TMEM132B: variants seen among roughly 807,000 people sequenced by gnomAD.
TMEM132B encodes the protein transmembrane protein 132B.
A neutral mutation model predicts 90.8 loss-of-function variants in TMEM132B; 18 were observed. The observed-to-expected ratio is 0.20, with a 90% CI of 0.14 to 0.29. TMEM132B has a LOEUF of 0.29. Ranked by LOEUF, TMEM132B falls within the 10% of genes least tolerant of loss-of-function variation. The pLI is 1.00. For synonymous variants in TMEM132B, 504 were observed against 523.3 expected, an observed-to-expected ratio of 0.96 and a Z score of 0.50; for missense variants, 1,096 against 1,326.8, an observed-to-expected ratio of 0.83 and a Z score of 2.70.
At chr12:125,451,748 T>C (rs551660266) in intron 3 of TMEM132B, among the ~76,000 whole-genome samples, 2 of 152,202 alleles carry the variant, frequency 1.3e-5, no homozygotes, top group Admixed American at 1.3e-4. Flanking sequence ...AATAATTAAT[T>C]TGAGTCCTTA....
At chr12:125,368,111 C>T (rs532991524) in intron 2 of TMEM132B, among the ~76,000 whole-genome samples, 13 of 152,064 alleles carry the variant, frequency 8.5e-5, no homozygotes, top group Admixed American at 2.0e-4. Context: ...GTTACTTTAC[C>T]ACAGTATAGT....
chr12:125,595,409 G>A (rs1885416910), intron 5 of TMEM132B, among the ~76,000 whole-genome samples: 1 of 152,130 alleles, frequency 6.6e-6, no homozygotes, highest in Admixed American at 6.5e-5. Context: ...CACTTTCCGG[G>A]GGATTTGGGG....
At chr12:125,551,337 C>T (rs1884223914) in intron 4 of TMEM132B, among the ~76,000 whole-genome samples, 1 of 152,200 alleles carries the variant, frequency 6.6e-6, no homozygotes, top group Non-Finnish European at 1.5e-5. Flanking sequence ...GGGCTTTTGA[C>T]CCCAGATCCT....
chr12:125,256,770 C>T (rs1030574804), intron 1 of TMEM132B, among the ~76,000 whole-genome samples: 1 of 152,214 alleles, frequency 6.6e-6, no homozygotes, highest in Non-Finnish European at 1.5e-5. Context: ...AAAAGTGAGA[C>T]GATGAGGCAA....
chr12:125,304,638 C>T (rs1284988490), intron 1 of TMEM132B, among the ~76,000 whole-genome samples: 2 of 152,030 alleles, frequency 1.3e-5, no homozygotes, highest in Admixed American at 1.3e-4. Flanking sequence ...TGTGGATATC[C>T]AGTTTTCCAA....
At chr12:125,304,715 C>T (rs994757880) in intron 1 of TMEM132B, among the ~76,000 whole-genome samples, 2 of 152,020 alleles carry the variant, frequency 1.3e-5, no homozygotes, top group Non-Finnish European at 2.9e-5. Context: ...CCTGTAGTCC[C>T]AACTACTTGG....
rs529414697 is a variant in TMEM132B at position 125,659,353 on chromosome 12, G to C, written c.*4643G>C. On this transcript the variant is annotated 3_prime_UTR_variant, in exon 9 of 9. Transcript: ENST00000682704. ...AGTGCTGAAATGCATGATGCTGCGG[G>C]TGTTTGAGAGCCTTTGACCTCTGTC... 1.3e-5 allele frequency: 2 copies of C among 152,360 alleles called. No homozygotes were observed. The highest frequency in any genetic ancestry group is 4.1e-4 in the South Asian group (2 of 4,830). 9.4% of individuals were successfully genotyped at this position (152,360 alleles called of 1,614,324 possible). A position where few individuals can be genotyped will look rare whatever the true frequency, so the allele number is the denominator to read the frequency against.
intron 1 of TMEM132B, among the ~76,000 whole-genome samples, chr12:125,199,245 A>T (rs765081854): frequency 1.3e-5 from 2 of 152,166 alleles, no homozygotes; most frequent in African/African-American, 4.8e-5. Flanking sequence ...CCAGTGGTTA[A>T]CCTTACTGAC....
intron 4 of TMEM132B, among the ~76,000 whole-genome samples, chr12:125,550,987 A>G (rs928127542): frequency 6.6e-6 from 1 of 152,096 alleles, no homozygotes; most frequent in Non-Finnish European, 1.5e-5. Flanking sequence ...TACTTTTTGT[A>G]TTTTTAGTAG....
intron 1 of TMEM132B, among the ~76,000 whole-genome samples, chr12:125,297,143 G>C (rs1047820883): frequency 5.7e-5 from 5 of 88,044 alleles, no homozygotes; most frequent in Non-Finnish European, 8.4e-5. Context: ...GGTTTCCTTG[G>C]GGGGGTCCTG....
chr12:125,573,198 G>T (rs1183893445), intron 4 of TMEM132B, among the ~76,000 whole-genome samples: 3 of 152,118 alleles, frequency 2.0e-5, no homozygotes, highest in Non-Finnish European at 4.4e-5. Context: ...AGCCCTCTCA[G>T]TGAACAGAAC....
intron 1 of TMEM132B, among the ~76,000 whole-genome samples, chr12:125,230,298 A>T (rs1301463461): frequency 4.6e-5 from 7 of 151,940 alleles, no homozygotes; most frequent in Middle Eastern, 3.4e-3. Flanking sequence ...CGCTGCGGGG[A>T]GGGGTGTGTT....
chr12:125,539,115 T>C (rs1883889324), intron 4 of TMEM132B, among the ~76,000 whole-genome samples: 1 of 152,174 alleles, frequency 6.6e-6, no homozygotes, highest in Admixed American at 6.5e-5. Flanking sequence ...TTAAACAGAT[T>C]GTATGAGTCC....
At chr12:125,433,717 A>G (rs921907046) in intron 3 of TMEM132B, among the ~76,000 whole-genome samples, 4 of 132,536 alleles carry the variant, frequency 3.0e-5, no homozygotes, top group African/African-American at 5.8e-5. Flanking sequence ...AACCAACCCA[A>G]ATGTCCAACA....
rs572251902 is a variant in TMEM132B at position 125,374,384 on chromosome 12, A to G, written c.959+24041A>G. Among the ~76,000 whole-genome samples the G allele has an allele frequency of 1.6e-3, 242 of 152,254 alleles. 2 individuals carry two copies. Among genetic ancestry groups the G allele is most frequent in the African/African-American group, 5.5e-3 (229 of 41,518 alleles). On this transcript the variant is annotated intron_variant, in intron 2 of 8. Transcript: ENST00000682704. Reference sequence around the variant, plus strand: ...GGAATTCTAAAGTATCTGGATTCTCATGGGAGTCTGTATAGTGCAGACCTC... The same window carrying G: ...GGAATTCTAAAGTATCTGGATTCTCGTGGGAGTCTGTATAGTGCAGACCTC...
intron 4 of TMEM132B, among the ~76,000 whole-genome samples, chr12:125,520,787 A>G (rs1592971646): frequency 6.6e-6 from 1 of 152,190 alleles, no homozygotes; most frequent in Non-Finnish European, 1.5e-5. Flanking sequence ...TATCCTGGTC[A>G]GTTGTGTCCA....
intron 4 of TMEM132B, among the ~76,000 whole-genome samples, chr12:125,554,425 A>ATT (rs1446360970): frequency 5.8e-5 from 7 of 120,276 alleles, no homozygotes; most frequent in African/African-American, 2.5e-4. Flanking sequence ...ACTCCATTTC[A>ATT]TTAAAAAAAA....
chr12:125,352,349 G>T (rs948643186), intron 2 of TMEM132B, among the ~76,000 whole-genome samples: 2 of 152,228 alleles, frequency 1.3e-5, no homozygotes, highest in African/African-American at 4.8e-5. Context: ...GTATGATCAA[G>T]ATTTGGTTTT....
In TMEM132B at chr12:125,483,776, G is replaced by T. The variant is rs550022890; in HGVS notation, c.1107-35663G>T. Among the ~76,000 whole-genome samples, 3 of 152,268 alleles carry T rather than the reference G, an allele frequency of 2.0e-5. No homozygotes were observed. In the South Asian group the frequency reaches 6.2e-4, roughly 32 times the overall value. ...GGAATTCCTGGAAACTCACTTTAGGGTTGTGCCTTTAATATTGACTCGTTT... is the reference window on the plus strand; with the variant it reads ...GGAATTCCTGGAAACTCACTTTAGGTTTGTGCCTTTAATATTGACTCGTTT... On this transcript the variant is annotated intron_variant, in intron 3 of 8. Transcript: ENST00000682704.
Sources: allele counts gnomAD v4.1 joint callset (sites outside exome capture counted in the v4.1 genomes callset), GRCh38; gene constraint gnomAD v4.1.1; transcripts MANE v1.5; gene names NCBI Gene and HGNC (gene_info 2026-07-23, HGNC 2026-07-21).